Variants in DCC observed in about 807,000 individuals in gnomAD.
DCC encodes DCC netrin 1 receptor.
Under a neutral mutation model 172.5 loss-of-function variants are expected in DCC, and 58 were observed. The observed-to-expected ratio is 0.34, with a 90% CI of 0.27 to 0.42. DCC has a LOEUF of 0.42. Ranked by LOEUF, DCC falls within the 10% of genes least tolerant of loss-of-function variation. The pLI is 1.00. For synonymous variants in DCC, 709 were observed against 644.5 expected (o/e 1.10, Z -1.52); for missense variants, 1,740 against 1,791.0 (o/e 0.97, Z 0.51).
At chr18:52,700,884 C>T (rs529567128) in intron 1 of DCC, among the ~76,000 whole-genome samples, 8 of 152,152 alleles carry the variant, frequency 5.3e-5, no homozygotes, top group Non-Finnish European at 1.0e-4. Context: ...CCCAGTAGCA[C>T]GTGATATTGG....
At chr18:53,223,489 C>A (rs2055974954) in intron 12 of DCC, among the ~76,000 whole-genome samples, 1 of 151,990 alleles carries the variant, frequency 6.6e-6, no homozygotes, top group East Asian at 1.9e-4. Context: ...AATGAGATTT[C>A]CCTCAAGTCA....
intron 1 of DCC, among the ~76,000 whole-genome samples, chr18:52,703,340 G>A (rs1568052203): frequency 6.6e-6 from 1 of 152,114 alleles, no homozygotes; most frequent in African/African-American, 2.4e-5. Context: ...ATATTTGGAT[G>A]CCTTCATTGT....
intron 1 of DCC, among the ~76,000 whole-genome samples, chr18:52,703,802 A>G (rs2145041041): frequency 2.5e-5 from 1 of 40,290 alleles, no homozygotes; most frequent in East Asian, 9.7e-4. Flanking sequence ...GTTAAATGGA[A>G]AAAAAAAAAC....
At chr18:53,375,649 A>C (rs1201030446) in intron 15 of DCC, among the ~76,000 whole-genome samples, 1 of 149,158 alleles carries the variant, frequency 6.7e-6, no homozygotes, top group African/African-American at 2.5e-5. Flanking sequence ...AAATGTGAAC[A>C]AAAAGAGGAA....
intron 2 of DCC, among the ~76,000 whole-genome samples, chr18:52,765,199 A>ATTTTTTTTTTTTTTTTT (rs369735420): frequency 2.5e-5 from 3 of 120,110 alleles, no homozygotes; most frequent in Non-Finnish European, 5.0e-5. Context: ...ACTCCTGGCT[A>ATTTTTTTTTTTTTTTTT]ATTTTTTTTT....
chr18:52,591,389 T>C (rs1248172620), intron 1 of DCC, among the ~76,000 whole-genome samples: 2 of 152,172 alleles, frequency 1.3e-5, no homozygotes, highest in Non-Finnish European at 2.9e-5. Context: ...TTTTTTTCAC[T>C]TAAAACATTA....
chr18:53,045,523 T>G (rs1393076209), intron 5 of DCC, among the ~76,000 whole-genome samples: 1 of 151,850 alleles, frequency 6.6e-6, no homozygotes, highest in African/African-American at 2.4e-5. Flanking sequence ...TACACACATG[T>G]GCACATACAT....
rs766033249 is a variant in DCC, at chr18:53,410,688, T to C, written c.3130+42T>C. The stretch of plus-strand genomic sequence containing the variant: ...ATTATGCTTTTCTTTTCCTGTGGGA[T>C]TGTTATAAAATAGCTTTGCACTCTG... On this transcript the variant is annotated intron_variant, in intron 20 of 28. Coordinates refer to ENST00000442544, the MANE Select transcript of DCC (RefSeq NM_005215.4). 9 of 1,282,110 alleles carry C rather than the reference T, an allele frequency of 7.0e-6. No individual in the cohort carries two copies. The Admixed American group carries it at 1.0e-4, about 14-fold the overall frequency. The allele number at this position is 1,282,110 out of a possible 1,614,324, so 79.4% of individuals were successfully genotyped here.
chr18:52,642,643 AT>A (rs942278467), intron 1 of DCC, among the ~76,000 whole-genome samples: 21 of 151,994 alleles, frequency 1.4e-4, no homozygotes, highest in Admixed American at 1.2e-3. Flanking sequence ...TGAAAAAAAA[AT>A]CTTCAATTTT....
At chr18:52,541,652 G>A (rs758017503) in intron 1 of DCC, among the ~76,000 whole-genome samples, 7 of 152,030 alleles carry the variant, frequency 4.6e-5, no homozygotes, top group East Asian at 1.9e-4. Flanking sequence ...ATGGAACAGC[G>A]TGGAGAACTT....
chr18:53,015,623 G>T (rs1490308059), intron 5 of DCC, among the ~76,000 whole-genome samples: 3 of 151,964 alleles, frequency 2.0e-5, no homozygotes, highest in African/African-American at 4.8e-5. Context: ...ATATCCTTAC[G>T]TACAAACATT....
At chr18:52,605,501 T>G (rs1223109938) in intron 1 of DCC, among the ~76,000 whole-genome samples, 1 of 152,176 alleles carries the variant, frequency 6.6e-6, no homozygotes, top group South Asian at 2.1e-4. Context: ...CATACAAAGA[T>G]GTGGTACTTT....
At chr18:52,694,767 G>A (rs1225548325) in intron 1 of DCC, among the ~76,000 whole-genome samples, 2 of 151,966 alleles carry the variant, frequency 1.3e-5, no homozygotes, top group African/African-American at 4.8e-5. Flanking sequence ...CCTGCCTAAT[G>A]GCATATGACC....
intron 2 of DCC, among the ~76,000 whole-genome samples, chr18:52,900,268 TG>T (rs558111560): frequency 7.1e-4 from 108 of 152,178 alleles, no homozygotes; most frequent in Non-Finnish European, 1.4e-3. Context: ...AGGAACAAAT[TG>T]GGGTTACGGC....
chr18:52,587,008 T>C (rs549971357), intron 1 of DCC, among the ~76,000 whole-genome samples: 38 of 152,202 alleles, frequency 2.5e-4, no homozygotes, highest in Admixed American at 4.6e-4. Context: ...ATTCCTTGAG[T>C]TCACAAATGG....
chr18:52,969,538 A>C (rs2040988675), intron 5 of DCC, among the ~76,000 whole-genome samples: 1 of 148,868 alleles, frequency 6.7e-6, no homozygotes, highest in African/African-American at 2.5e-5. Context: ...TACTTATCTC[A>C]ACCAGATTAG....
intron 15 of DCC, among the ~76,000 whole-genome samples, chr18:53,340,710 A>G (rs1189771281): frequency 6.6e-6 from 1 of 152,186 alleles, no homozygotes; most frequent in African/African-American, 2.4e-5. Context: ...TAAATATAAT[A>G]TATCAGGATG....
intron 1 of DCC, among the ~76,000 whole-genome samples, chr18:52,638,280 C>CAA (rs201653459): frequency 5.3e-5 from 8 of 149,764 alleles, no homozygotes; most frequent in South Asian, 2.1e-4. Flanking sequence ...AAACAAAAAA[C>CAA]AAAAAAAAAC....
chr18:52,749,508 T>A (rs1458048330), intron 1 of DCC, among the ~76,000 whole-genome samples: 1 of 152,192 alleles, frequency 6.6e-6, no homozygotes, highest in Admixed American at 6.5e-5. Flanking sequence ...AACTAATCAC[T>A]AATGCAAGTT....
Sources: allele counts gnomAD v4.1 joint callset (sites outside exome capture counted in the v4.1 genomes callset), GRCh38; gene constraint gnomAD v4.1.1; transcripts MANE v1.5; gene names NCBI Gene and HGNC (gene_info 2026-07-23, HGNC 2026-07-21).